Variants in GPM6A observed in about 807,000 individuals in gnomAD.
The protein encoded by GPM6A is glycoprotein M6A.
GPM6A carries 7 observed loss-of-function variants against 32.1 expected under a neutral mutation model. The observed-to-expected ratio is 0.22, with a 90% CI of 0.12 to 0.41. The LOEUF (loss-of-function observed/expected upper bound fraction) is 0.41. Among genes scored for constraint, GPM6A ranks in the 10% least tolerant of loss-of-function variants. GPM6A has a pLI of 1.00. For synonymous variants in GPM6A, 130 were observed against 123.4 expected (o/e 1.05, Z -0.35); for missense variants, 235 against 347.2 (o/e 0.68, Z 2.57).
intron 1 of GPM6A, among the ~76,000 whole-genome samples, chr4:175,901,892 T>G (rs571496136): frequency 1.7e-3 from 263 of 152,228 alleles, no homozygotes; most frequent in African/African-American, 6.1e-3. Context: ...CCTCTGAAAG[T>G]GCTGAGATTA....
upstream of GPM6A, among the ~76,000 whole-genome samples, chr4:175,813,943 A>G (rs1382085691): frequency 1.3e-5 from 2 of 152,136 alleles, no homozygotes; most frequent in African/African-American, 4.8e-5. Flanking sequence ...TGTGTATTCA[A>G]GGGTTTTTGA....
Position 175,945,876 on chromosome 4 carries a change from T to A in GPM6A, c.-23+56433A>T, listed in dbSNP as rs148169554. Reference sequence around the variant, plus strand: ...CGGGTGCATATTACGTACAACTCAGTAATACGGGTGCATATTACGTACAAC... The same window carrying A: ...CGGGTGCATATTACGTACAACTCAGAAATACGGGTGCATATTACGTACAAC... On this transcript the variant is annotated intron_variant, in intron 1 of 7. Coordinates refer to the GPM6A transcript ENST00000280187. Among the ~76,000 whole-genome samples the A allele has an allele frequency of 5.0e-3, 739 of 147,562 alleles. 33 individuals are homozygous for A. In the East Asian group the frequency reaches 0.11, roughly 22 times the overall value.
intron 1 of GPM6A, among the ~76,000 whole-genome samples, chr4:175,927,519 T>G (rs189791015): frequency 8.5e-5 from 13 of 152,366 alleles, no homozygotes; most frequent in East Asian, 7.7e-4. Context: ...CATATCCTCA[T>G]GCTTTATCCC....
At chr4:175,643,020 CT>C (rs570299646) in intron 4 of GPM6A, among the ~76,000 whole-genome samples, 6 of 152,176 alleles carry the variant, frequency 3.9e-5, no homozygotes, top group South Asian at 2.1e-4. Flanking sequence ...CTTGAATTCT[CT>C]TTTTTCCCCC....
intron 3 of GPM6A, among the ~76,000 whole-genome samples, chr4:175,660,380 T>G (rs1007001285): frequency 1.3e-5 from 2 of 149,016 alleles, no homozygotes; most frequent in African/African-American, 4.9e-5. Context: ...CAAGACTCCA[T>G]CTCAAAAAAA....
intron 1 of GPM6A, among the ~76,000 whole-genome samples, chr4:175,869,672 G>A (rs1245207726): frequency 3.3e-5 from 5 of 151,936 alleles, no homozygotes; most frequent in East Asian, 1.9e-4. Context: ...TAGGAGAATC[G>A]CTTGAACCCA....
Position 175,731,660 on chromosome 4 carries a change from A to G in GPM6A, c.38-29893T>C, listed in dbSNP as rs1731439441. ...TTATTACAACTTAGTTTTATTCTCTAGGAAGCAGCCTGAATAACTTTTTTA... is the reference window on the plus strand; with the variant it reads ...TTATTACAACTTAGTTTTATTCTCTGGGAAGCAGCCTGAATAACTTTTTTA... On this transcript the variant is annotated intron_variant, in intron 1 of 6. Transcript: ENST00000393658. Among the ~76,000 whole-genome samples the G allele has an allele frequency of 2.6e-5, 4 of 152,232 alleles. No homozygotes were observed. The South Asian group carries it at 8.3e-4, about 31-fold the overall frequency.
At chr4:175,950,275 A>G (rs963820068) in intron 1 of GPM6A, among the ~76,000 whole-genome samples, 1 of 152,214 alleles carries the variant, frequency 6.6e-6, no homozygotes, top group Non-Finnish European at 1.5e-5. Context: ...ACAGAGTCTC[A>G]ATGAGACATA....
intron 1 of GPM6A, among the ~76,000 whole-genome samples, chr4:175,879,444 C>A (rs1737196934): frequency 6.6e-6 from 1 of 152,092 alleles, no homozygotes; most frequent in Admixed American, 6.6e-5. Flanking sequence ...CCTCAGGAAA[C>A]TTACAATCAT....
chr4:175,823,275 A>C (rs966368686), intron 1 of GPM6A, among the ~76,000 whole-genome samples: 57 of 152,324 alleles, frequency 3.7e-4, no homozygotes, highest in African/African-American at 1.3e-3. Flanking sequence ...TTCAGTTTTG[A>C]GTAAAGGCTT....
At chr4:175,882,705 G>A (rs910005084) in intron 1 of GPM6A, among the ~76,000 whole-genome samples, 22 of 151,902 alleles carry the variant, frequency 1.4e-4, no homozygotes, top group African/African-American at 5.3e-4. Context: ...AAAAACTGTA[G>A]GGAACAAGAC....
At chr4:175,797,933 C>T (rs1344851305) in intron 1 of GPM6A, among the ~76,000 whole-genome samples, 1 of 152,090 alleles carries the variant, frequency 6.6e-6, no homozygotes, top group Non-Finnish European at 1.5e-5. Flanking sequence ...CTACAAGACT[C>T]TAAGTGTGGT....
chr4:175,842,493 C>T (rs983136141), intron 1 of GPM6A, among the ~76,000 whole-genome samples: 24 of 152,074 alleles, frequency 1.6e-4, no homozygotes, highest in African/African-American at 5.3e-4. Context: ...AACACTGAGG[C>T]GGGAGACGTG....
chr4:175,696,320 C>T (rs1744575457), intron 2 of GPM6A, among the ~76,000 whole-genome samples: 1 of 152,114 alleles, frequency 6.6e-6, no homozygotes. Context: ...TGGAAAGAAG[C>T]AGAGACAATA....
At chr4:175,768,760 G>T (rs1351345433) in intron 1 of GPM6A, among the ~76,000 whole-genome samples, 2 of 152,026 alleles carry the variant, frequency 1.3e-5, no homozygotes, top group Non-Finnish European at 2.9e-5. Context: ...AATATTTAAA[G>T]ATAAATATAG....
intron 1 of GPM6A, among the ~76,000 whole-genome samples, chr4:175,969,499 A>G (rs1417815265): frequency 6.6e-6 from 1 of 152,194 alleles, no homozygotes; most frequent in Non-Finnish European, 1.5e-5. Context: ...ATTTGAGGTC[A>G]GGAGTTCGAA....
At chr4:175,965,898 C>G (rs1044263671) in intron 1 of GPM6A, among the ~76,000 whole-genome samples, 7 of 152,084 alleles carry the variant, frequency 4.6e-5, no homozygotes, top group Non-Finnish European at 7.4e-5. Flanking sequence ...AGGCGTGAGC[C>G]ACCACGCCTG....
At chr4:175,925,171 G>T (rs1738792499) in intron 1 of GPM6A, among the ~76,000 whole-genome samples, 1 of 152,184 alleles carries the variant, frequency 6.6e-6, no homozygotes, top group African/African-American at 2.4e-5. Context: ...AAGTCTGGCA[G>T]TTATATTATG....
At position 175,678,807 on chromosome 4, in the gene GPM6A, A is replaced by T. The variant is rs1743519337; in HGVS notation, c.231-4971T>A. ...ATACAATTCTTTTGGTGAAAATGGCATGTTTTCTAAACATATTTTAATTTT... is the reference window on the plus strand; with the variant it reads ...ATACAATTCTTTTGGTGAAAATGGCTTGTTTTCTAAACATATTTTAATTTT... On this transcript the variant is annotated intron_variant, in intron 2 of 6. Transcript: ENST00000393658. Among the ~76,000 whole-genome samples, 3 of 152,214 alleles carry T rather than the reference A, an allele frequency of 2.0e-5. No homozygotes were observed. The South Asian group carries it at 6.2e-4, about 31-fold the overall frequency.
Sources: gnomAD v4.1 joint callset for allele counts (sites outside exome capture counted in the v4.1 genomes callset) on GRCh38, gnomAD v4.1.1 for gene constraint, MANE v1.5 for transcripts, NCBI Gene and HGNC (gene_info 2026-07-23, HGNC 2026-07-21) for gene names.